DNAH6: variants seen among roughly 807,000 people sequenced by gnomAD.
DNAH6 encodes the protein dynein axonemal heavy chain 6.
A neutral mutation model predicts 491.4 loss-of-function variants in DNAH6; 340 were observed. The observed-to-expected ratio is 0.69, with a 90% CI of 0.63 to 0.76. DNAH6 has a LOEUF of 0.76. Among genes scored for constraint, DNAH6 ranks in the 30% least tolerant of loss-of-function variants. The pLI, the probability that DNAH6 is intolerant of heterozygous loss-of-function variation, is 0.00. For missense variants in DNAH6, 4,443 were observed against 4,972.2 expected, an observed-to-expected ratio of 0.89 and a Z score of 3.20; for synonymous variants, 1,603 against 1,686.1, an observed-to-expected ratio of 0.95 and a Z score of 1.21.
chr2:84,622,237 C>A (rs570872458), intron 26 of DNAH6, among the ~76,000 whole-genome samples: 206 of 152,192 alleles, frequency 1.4e-3, no homozygotes, highest in South Asian at 3.7e-3. Flanking sequence ...TAATATCCTC[C>A]AGGTTTATTC....
rs957975532 is a variant in DNAH6 at position 84,808,507 on chromosome 2, G to A, written c.11704G>A (p.Val3902Met). The A allele has an allele frequency of 6.4e-7, 1 of 1,551,914 alleles. No homozygotes were observed. The highest frequency in any genetic ancestry group is 8.7e-7 in the Non-Finnish European group (1 of 1,147,024). ...CTTGACCACCGTTCTTGGACAGGAAGTGGACCGGTTTAACAACCTGCTGAA... is the reference window on the plus strand; with the variant it reads ...CTTGACCACCGTTCTTGGACAGGAAATGGACCGGTTTAACAACCTGCTGAA... ...NSLTTVLGQE[V>M]DRFNNLLKLI... The change falls in exon 72 of 77, where the codon GTG (valine) becomes ATG (methionine). Residue 3902 changes from valine to methionine, a missense_variant. Coordinates refer to ENST00000389394, the MANE Select transcript of DNAH6 (RefSeq NM_001370.2).
intron 4 of DNAH6, among the ~76,000 whole-genome samples, chr2:84,535,000 G>A (rs575117006): frequency 1.3e-5 from 2 of 151,800 alleles, no homozygotes; most frequent in East Asian, 1.9e-4. Flanking sequence ...GTAGGCTTTC[G>A]TAATTTTCAA....
Position 84,624,277 on chromosome 2 carries a change from C to T in DNAH6, c.4084C>T (p.Leu1362=). Residue 1362 remains leucine (L), a synonymous_variant, in exon 27 of 77, where the codon CTA becomes TTA. Coordinates refer to ENST00000389394, the MANE Select transcript of DNAH6 (RefSeq NM_001370.2). ...TTTTTATTTGTAGAGATTAAATGCC[C>T]TAGCTGCAATAGTTCAAGGCAGTCT... ...EKVNFERLNA[L]AAIVQGSLPK... 6.5e-7 allele frequency: 1 copy of T among 1,547,438 alleles called. No homozygotes were observed.
At chr2:84,505,954 A>G in the DNAH6 span, among the ~76,000 whole-genome samples, 1 of 152,178 alleles carries the variant, frequency 6.6e-6, no homozygotes. Flanking sequence ...AATCCAGTCA[A>G]TCATTGTTGG....
At chr2:84,696,958 A>G (rs1695454637) in intron 46 of DNAH6, among the ~76,000 whole-genome samples, 1 of 152,176 alleles carries the variant, frequency 6.6e-6, no homozygotes. Flanking sequence ...TCCAAAATAA[A>G]TTCTCCAAAA....
chr2:84,529,292 AATGAAT>A, intron 4 of DNAH6, 126 bp downstream of exon 4: 2 of 746,016 alleles, frequency 2.7e-6, no homozygotes, highest in Non-Finnish European at 2.1e-6. Flanking sequence ...TTCAATGATA[AATGAAT>A]CCTAATCACA....
chr2:84,731,517 A>G (rs1192326), intron 61 of DNAH6, among the ~76,000 whole-genome samples: 37,947 of 152,104 alleles, frequency 0.25, 5,331 homozygotes, highest in African/African-American at 0.4. Context: ...AGCTCCTAGA[A>G]CTGGAATATG....
At chr2:84,674,476 A>G (rs374171102) in intron 40 of DNAH6, among the ~76,000 whole-genome samples, 34 of 152,254 alleles carry the variant, frequency 2.2e-4, no homozygotes, top group African/African-American at 7.7e-4. Flanking sequence ...GGATAAATGG[A>G]GACTGAAGAG....
chr2:84,762,409 A>C (rs1573734047), intron 63 of DNAH6, among the ~76,000 whole-genome samples: 1 of 152,232 alleles, frequency 6.6e-6, no homozygotes, highest in South Asian at 2.1e-4. Context: ...TCAATAATGC[A>C]GAAAGAGACA....
Position 84,547,559 on chromosome 2 carries a change from C to T in DNAH6, c.1133C>T (p.Ala378Val). The change falls in exon 7 of 77, where the codon GCT becomes GTT. Residue 378 changes from alanine (A) to valine (V), a missense_variant. Physicochemically the swap from Ala to Val is moderately conservative, Grantham distance 64. This residue lies in a region of DNAH6 where 2,977 missense variants were observed against 3,296.6 expected (regional missense o/e 0.90). Coordinates refer to ENST00000389394, the MANE Select transcript of DNAH6 (RefSeq NM_001370.2). ...KYVVRRACRF[A>V]LRAAGFVPDD... ...GTAGTCAGGAGGGCTTGTCGATTTG[C>T]TTTGCGTGCTGCAGGATTTGTTCCT... 6.4e-7 allele frequency: 1 copy of T among 1,551,836 alleles called. No homozygotes were observed. The highest frequency in any genetic ancestry group is 8.7e-7 in the Non-Finnish European group (1 of 1,146,984).
intron 16 of DNAH6, among the ~76,000 whole-genome samples, chr2:84,593,547 C>G (rs1381735253): frequency 1.3e-5 from 2 of 152,134 alleles, no homozygotes; most frequent in Admixed American, 6.6e-5. Context: ...CACCATCTTC[C>G]CCACCAGCTA....
chr2:84,584,043 C>G lies in DNAH6; in HGVS notation c.2274C>G (p.Tyr758Ter). ...AGGGGAATATAGTGACTCAAATGTA[C>G]AAGCTTATGGAACAATATCAGGTGC... is the stretch of plus-strand genomic sequence containing the variant. The part of the protein sequence containing the change: ...EDEGNIVTQM[Y>*]KLMEQYQVPT... The change falls in exon 15 of 77, where the codon TAC becomes TAG. Residue 758 changes from tyrosine (Y) to a stop codon, truncating the protein, a stop_gained. Transcript: ENST00000389394. LOFTEE classifies it high-confidence loss of function. The G allele has an allele frequency of 6.2e-7, 1 of 1,614,100 alleles. No individual in the cohort carries two copies. Among genetic ancestry groups the G allele is most frequent in the Non-Finnish European group, 8.5e-7 (1 of 1,179,990 alleles).
At chr2:84,504,093 AT>A in the DNAH6 span, among the ~76,000 whole-genome samples, 7 of 151,376 alleles carry the variant, frequency 4.6e-5, no homozygotes, top group East Asian at 1.4e-3. Flanking sequence ...GTTTTTTGTT[AT>A]TTTTTTCTTT....
chr2:84,564,005 T>C (rs1394008763), intron 11 of DNAH6, among the ~76,000 whole-genome samples: 2 of 152,180 alleles, frequency 1.3e-5, no homozygotes, highest in East Asian at 3.8e-4. Flanking sequence ...TAGATGGTTG[T>C]GGGTGTGCAG....
At chr2:84,576,330 G>A (rs1416521804) in intron 12 of DNAH6, among the ~76,000 whole-genome samples, 2 of 152,024 alleles carry the variant, frequency 1.3e-5, no homozygotes, top group Non-Finnish European at 2.9e-5. Flanking sequence ...CTGAGCTCAG[G>A]TCTTCCAATA....
chr2:84,488,161 G>A, the DNAH6 span, among the ~76,000 whole-genome samples: 2 of 152,110 alleles, frequency 1.3e-5, no homozygotes, highest in East Asian at 1.9e-4. Context: ...GATGCCCAAC[G>A]ATGGGAATAC....
intron 37 of DNAH6, among the ~76,000 whole-genome samples, chr2:84,662,106 G>T (rs1445489050): frequency 6.6e-6 from 1 of 151,772 alleles, no homozygotes; most frequent in Non-Finnish European, 1.5e-5. Context: ...TATACCTTGA[G>T]GTTTAAAAAA....
chr2:84,766,023 A>G (rs549971387), intron 64 of DNAH6, among the ~76,000 whole-genome samples: 19 of 152,122 alleles, frequency 1.2e-4, no homozygotes, highest in African/African-American at 2.2e-4. Flanking sequence ...AGAGACACCA[A>G]TTGTGAAACT....
rs1002282477 is a variant in DNAH6, at chr2:84,685,529, T to C, written c.7063+57T>C. The C allele has an allele frequency of 6.8e-6, 8 of 1,170,696 alleles. No individual in the cohort carries two copies. The Admixed American group carries it at 2.6e-4, about 39-fold the overall frequency. The allele number at this position is 1,170,696 out of a possible 1,614,324, so 72.5% of individuals were successfully genotyped here. ...TATTTGAGTAGAAAAGCAATTTGGT[T>C]TCTACAAAGAACAATTAACACAAAA... On this transcript the variant is annotated intron_variant, in intron 43 of 76. Coordinates refer to ENST00000389394, the MANE Select transcript of DNAH6 (RefSeq NM_001370.2).
Sources: gnomAD v4.1 joint callset for allele counts (sites outside exome capture counted in the v4.1 genomes callset) on GRCh38, gnomAD v4.1.1 for gene constraint, gnomAD v4.1.1 regional missense constraint, MANE v1.5 for transcripts, NCBI Gene and HGNC (gene_info 2026-07-23, HGNC 2026-07-21) for gene names.